The following TMEM132C variants were observed in gnomAD, a reference collection of about 807,000 sequenced individuals.
TMEM132C encodes the protein transmembrane protein 132C.
Under a neutral mutation model 61.4 loss-of-function variants are expected in TMEM132C, and 29 were observed. That is an observed-to-expected ratio of 0.47 (90% CI 0.35 to 0.64). TMEM132C has a LOEUF of 0.64. Among genes scored for constraint, TMEM132C ranks in the 30% least tolerant of loss-of-function variants. TMEM132C has a pLI of 0.00. For missense variants in TMEM132C, 1,408 were observed against 1,476.9 expected (o/e 0.95, Z 0.76); for synonymous variants, 656 against 633.1 (o/e 1.04, Z -0.54).
chr12:128,473,321 TCTTCATCTTCA>T (rs1460477984), intron 2 of TMEM132C, among the ~76,000 whole-genome samples: 3 of 87,682 alleles, frequency 3.4e-5, no homozygotes, highest in South Asian at 4.5e-4. Context: ...CCAGCCTCTA[TCTTCATCTTCA>T]GTCCAGCCTC....
intron 2 of TMEM132C, among the ~76,000 whole-genome samples, chr12:128,494,520 T>G (rs1439536552): frequency 2.0e-5 from 3 of 152,226 alleles, no homozygotes; most frequent in African/African-American, 7.2e-5. Context: ...TGCCTCAATT[T>G]CAGAGCCTGT....
At position 128,616,006 on chromosome 12, in the gene TMEM132C, G is replaced by C. The variant is rs1027199336; in HGVS notation, c.1122-146G>C. The C allele has an allele frequency of 6.1e-5, 58 of 944,394 alleles. No homozygotes were observed. In the African/African-American group the frequency reaches 8.2e-4, roughly 13 times the overall value. The allele number at this position is 944,394 out of a possible 1,614,324, so 58.5% of individuals were successfully genotyped here. The stretch of plus-strand genomic sequence containing the variant: ...GATGCCAGTCCTCACTTTGTAGGTG[G>C]TTCCATGCCCCAGGATCCCCCACCA... On this transcript the variant is annotated intron_variant, in intron 3 of 8. Coordinates refer to ENST00000435159, the MANE Select transcript of TMEM132C (RefSeq NM_001136103.3).
At chr12:128,267,812 G>A (rs1870363505) in intron 1 of TMEM132C, among the ~76,000 whole-genome samples, 1 of 152,150 alleles carries the variant, frequency 6.6e-6, no homozygotes. Flanking sequence ...AGTTCCGTGC[G>A]GACCTGCCCC....
chr12:128,523,037 G>A (rs1227219161), intron 2 of TMEM132C, among the ~76,000 whole-genome samples: 1 of 152,114 alleles, frequency 6.6e-6, no homozygotes, highest in African/African-American at 2.4e-5. Flanking sequence ...TGGATAAGCG[G>A]AATGGGGTAT....
intron 1 of TMEM132C, among the ~76,000 whole-genome samples, chr12:128,394,565 T>C (rs1593037754): frequency 6.6e-6 from 1 of 152,208 alleles, no homozygotes; most frequent in Admixed American, 6.5e-5. Context: ...AAAAGTCCTT[T>C]CCTTCAGCCC....
At chr12:128,589,436 G>A (rs1029342778) in intron 3 of TMEM132C, among the ~76,000 whole-genome samples, 5 of 151,562 alleles carry the variant, frequency 3.3e-5, no homozygotes, top group East Asian at 3.9e-4. Context: ...CTGCCCGTCC[G>A]CCCACTGTGC....
At chr12:128,333,055 A>G (rs149919612) in intron 1 of TMEM132C, among the ~76,000 whole-genome samples, 1 of 151,722 alleles carries the variant, frequency 6.6e-6, no homozygotes, top group East Asian at 1.9e-4. Flanking sequence ...GTGTGTGAGT[A>G]TTGTGTGTAT....
At chr12:128,698,189 T>A (rs1348891779) in intron 8 of TMEM132C, among the ~76,000 whole-genome samples, 1 of 115,576 alleles carries the variant, frequency 8.7e-6, no homozygotes, top group African/African-American at 2.6e-5. Context: ...GAATTGACCA[T>A]CACAGGGCCA....
intron 2 of TMEM132C, among the ~76,000 whole-genome samples, chr12:128,467,612 G>A (rs113375465): frequency 6.1e-4 from 93 of 152,258 alleles, no homozygotes; most frequent in African/African-American, 2.1e-3. Flanking sequence ...AGTAGCAGGG[G>A]TCAGGTCCAG....
At chr12:128,697,887 G>A (rs931795537) in intron 8 of TMEM132C, among the ~76,000 whole-genome samples, 1 of 152,128 alleles carries the variant, frequency 6.6e-6, no homozygotes, top group Non-Finnish European at 1.5e-5. Flanking sequence ...TTCTTTAGGG[G>A]TTTTGCAATT....
At chr12:128,328,786 TAAAA>T (rs71069557) in intron 1 of TMEM132C, among the ~76,000 whole-genome samples, 1,472 of 94,192 alleles carry the variant, frequency 0.016, 26 homozygotes, top group African/African-American at 0.056. Context: ...GATTCTGTCT[TAAAA>T]AAAAAAAAAA....
intron 3 of TMEM132C, among the ~76,000 whole-genome samples, chr12:128,556,600 C>CCCTT (rs756418043): frequency 3.9e-5 from 6 of 152,172 alleles, no homozygotes; most frequent in Admixed American, 3.9e-4. Flanking sequence ...TTGTCTTCTC[C>CCCTT]CCTTGAAACT....
intron 4 of TMEM132C, among the ~76,000 whole-genome samples, chr12:128,653,744 C>T (rs932343682): frequency 1.3e-5 from 2 of 152,192 alleles, no homozygotes; most frequent in African/African-American, 4.8e-5. Flanking sequence ...GCACCTGGTA[C>T]TTGAAAAGAG....
intron 2 of TMEM132C, among the ~76,000 whole-genome samples, chr12:128,533,948 T>C (rs200852681): frequency 2.7e-4 from 40 of 145,786 alleles, no homozygotes; most frequent in African/African-American, 6.1e-4. Flanking sequence ...CATGCGCACA[T>C]ACACACACAC....
At chr12:128,512,284 T>C (rs76514439) in intron 2 of TMEM132C, among the ~76,000 whole-genome samples, 3,311 of 152,282 alleles carry the variant, frequency 0.022, 125 homozygotes, top group African/African-American at 0.073. Flanking sequence ...TGTATCTCCT[T>C]CTAATCTTTC....
chr12:128,288,004 C>CA (rs1555250299), intron 1 of TMEM132C, among the ~76,000 whole-genome samples: 1 of 151,322 alleles, frequency 6.6e-6, no homozygotes, highest in Non-Finnish European at 1.5e-5. Context: ...GTGTTTGGTG[C>CA]AGTCTTAATA....
intron 2 of TMEM132C, among the ~76,000 whole-genome samples, chr12:128,419,134 G>A (rs1159759443): frequency 2.6e-5 from 4 of 152,200 alleles, no homozygotes; most frequent in Admixed American, 2.0e-4. Context: ...ATGTGCATGT[G>A]TGCCAAGAAG....
intron 2 of TMEM132C, among the ~76,000 whole-genome samples, chr12:128,473,085 C>A (rs935740563): frequency 9.5e-5 from 12 of 126,004 alleles, no homozygotes; most frequent in African/African-American, 3.5e-4. Context: ...TGGCTTGTGG[C>A]AGCATCACTC....
At chr12:128,316,325 GGGCGA>G (rs1872152185) in intron 1 of TMEM132C, among the ~76,000 whole-genome samples, 1 of 152,118 alleles carries the variant, frequency 6.6e-6, no homozygotes, top group Non-Finnish European at 1.5e-5. Flanking sequence ...AAAACCACTG[GGGCGA>G]GGTTCCCTTC....
Sources: gnomAD v4.1 joint callset for allele counts (sites outside exome capture counted in the v4.1 genomes callset) on GRCh38, gnomAD v4.1.1 for gene constraint, MANE v1.5 for transcripts, NCBI Gene and HGNC (gene_info 2026-07-23, HGNC 2026-07-21) for gene names.